Variants in FBF1 observed in about 807,000 individuals in gnomAD.
FBF1 encodes the protein fas-binding factor 1.
FBF1 carries 119 observed loss-of-function variants against 147.2 expected under a neutral mutation model. The observed-to-expected ratio is 0.81, with a 90% CI of 0.70 to 0.94. The LOEUF is 0.94. Ranked by LOEUF, FBF1 falls within the 40% of genes least tolerant of loss-of-function variation. The probability of loss-of-function intolerance (pLI) is 0.00; values close to 1 mark genes in which losing one functional copy is unlikely to be tolerated. For synonymous variants in FBF1, 601 were observed against 609.0 expected, an observed-to-expected ratio of 0.99 and a Z score of 0.19; for missense variants, 1,449 against 1,500.8, an observed-to-expected ratio of 0.97 and a Z score of 0.57.
At chr17:75,920,888 G>A (rs1376870613) in intron 17 of FBF1, among the ~76,000 whole-genome samples, 1 of 151,482 alleles carries the variant, frequency 6.6e-6, no homozygotes, top group Non-Finnish European at 1.5e-5. Flanking sequence ...GCCACACATG[G>A]GAAACAGAGG....
At position 75,910,335 on chromosome 17, in the gene FBF1, C is replaced by A; in HGVS notation, c.*388G>T. The A allele has an allele frequency of 3.1e-6, 1 of 320,200 alleles. No individual in the cohort carries two copies. The highest frequency in any genetic ancestry group is 6.0e-6 in the Non-Finnish European group (1 of 165,638). 19.8% of individuals were successfully genotyped at this position (320,200 alleles called of 1,614,324 possible). A position where few individuals can be genotyped will look rare whatever the true frequency, so the allele number is the denominator to read the frequency against. ...GTGGCATCCCTCAAGAAAGCTCCTGCCTCAGAAGAGGCCCAGGCAAAAAGA... is the reference window on the plus strand; with the variant it reads ...GTGGCATCCCTCAAGAAAGCTCCTGACTCAGAAGAGGCCCAGGCAAAAAGA... On this transcript the variant is annotated 3_prime_UTR_variant, in exon 30 of 30. Transcript: ENST00000636174. The surrounding 1 kb of genome is among the most constrained non-coding windows in gnomAD (Gnocchi z 4.1).
In FBF1 at chr17:75,937,579, C is replaced by T; in HGVS notation, c.18G>A (p.Lys6=). The T allele has an allele frequency of 1.9e-6, 3 of 1,613,974 alleles. No homozygotes were observed. Among genetic ancestry groups the T allele is most frequent in the South Asian group, 1.1e-5 (1 of 91,078 alleles). The change falls in exon 3 of 30, where the codon AAG becomes AAA. Residue 6 remains lysine (K), a synonymous_variant. Coordinates refer to ENST00000636174, the MANE Select transcript of FBF1 (RefSeq NM_001319193.2). The part of the protein sequence containing the change: MAPKT[K]KGCKGSIDDF... The stretch of plus-strand genomic sequence containing the variant: ...CTCTCCACTCACCTTTACATCCTTT[C>T]TTGGTTTTTGGTGCCTAAAATGGGA...
intron 2 of FBF1, chr17:75,937,897 C>T (rs997765947): frequency 2.7e-5 from 17 of 628,724 alleles, no homozygotes; most frequent in African/African-American, 9.2e-5. Flanking sequence ...TCTTCTATTC[C>T]GTGCCCCTGA....
In FBF1 at chr17:75,919,599, C is replaced by T. The variant is rs978459421; in HGVS notation, c.2138+69G>A. On this transcript the variant is annotated intron_variant, in intron 20 of 29. Transcript: ENST00000636174. This position sits in a 1 kb window ranked among gnomAD's most constrained non-coding sequence, Gnocchi z 5.0. ...GCTGCTGAGCCACAGCGAAGGGTCT[C>T]GTGGGGATGGCTCTCTTCCGGCTAC... 52 of 1,512,544 alleles carry T rather than the reference C, an allele frequency of 3.4e-5. No homozygotes were observed. In the African/African-American group the frequency reaches 4.4e-4, roughly 13 times the overall value. The allele number at this position is 1,512,544 out of a possible 1,614,324, so 93.7% of individuals were successfully genotyped here. A position where few individuals can be genotyped will look rare whatever the true frequency, so the allele number is the denominator to read the frequency against.
rs2065537484 is a variant in FBF1, at chr17:75,923,010, C to G, written c.1424+176G>C. Among the ~76,000 whole-genome samples, 1 of 152,272 alleles carries G rather than the reference C, an allele frequency of 6.6e-6. No individual in the cohort carries two copies. Among genetic ancestry groups the G allele is most frequent in the Non-Finnish European group, 1.5e-5 (1 of 68,052 alleles). ...GGGGCAAGCCTGGGAGCCAGAGGCT[C>G]TCTCTGCAGTGCCTAAAAGGCAGAG... On this transcript the variant is annotated intron_variant, in intron 14 of 29. Coordinates refer to ENST00000636174, the MANE Select transcript of FBF1 (RefSeq NM_001319193.2). This position sits in a 1 kb window ranked among gnomAD's most constrained non-coding sequence, Gnocchi z 4.1.
chr17:75,917,129 G>C (rs946252158), intron 23 of FBF1, among the ~76,000 whole-genome samples: 7 of 152,222 alleles, frequency 4.6e-5, no homozygotes, highest in Non-Finnish European at 2.9e-5. Context: ...TTACAGGCAT[G>C]AGCCAACTTG....
Position 75,921,545 on chromosome 17 carries a change from C to A in FBF1, c.1542G>T (p.Gln514His). Reference sequence around the variant, plus strand: ...TAGGGAGTGCTGAGGCGGCATGGTTCTGAGTCACAGGGGACCTGAGGACAC... The same window carrying A: ...TAGGGAGTGCTGAGGCGGCATGGTTATGAGTCACAGGGGACCTGAGGACAC... ...RPGVSGSPVT[Q>H]NHAASALPTG... Residue 514 changes from glutamine (Q) to histidine (H), a missense_variant, in exon 16 of 30, where the codon CAG (glutamine) becomes CAT (histidine). Coordinates refer to ENST00000636174, the MANE Select transcript of FBF1 (RefSeq NM_001319193.2). 1 of 1,610,300 alleles carries A rather than the reference C, an allele frequency of 6.2e-7. No homozygotes were observed. The highest frequency in any genetic ancestry group is 1.1e-5 in the South Asian group (1 of 90,744).
chr17:75,935,530 T>A, intron 4 of FBF1, 102 bp downstream of exon 4: 1 of 1,222,970 alleles, frequency 8.2e-7, no homozygotes, highest in South Asian at 1.5e-5. Context: ...GGCGGGAGGA[T>A]CATTTCAGTC....
In FBF1 at chr17:75,916,954, G is replaced by A. The variant is rs1313954528; in HGVS notation, c.2505+778C>T. On this transcript the variant is annotated intron_variant, in intron 23 of 29. Transcript: ENST00000636174. ...CAGCCTCTGTGTCCTAGATTCAAGCGATTCTCCCACCTCAGCCTCTCTAGT... is the reference window on the plus strand; with the variant it reads ...CAGCCTCTGTGTCCTAGATTCAAGCAATTCTCCCACCTCAGCCTCTCTAGT... Among the ~76,000 whole-genome samples, 7 of 152,302 alleles carry A rather than the reference G, an allele frequency of 4.6e-5. No homozygotes were observed. In the South Asian group the frequency reaches 1.2e-3, roughly 27 times the overall value.
intron 29 of FBF1, 112 bp downstream of exon 29, chr17:75,912,080 C>T: frequency 1.9e-6 from 2 of 1,044,198 alleles, no homozygotes; most frequent in Non-Finnish European, 2.9e-6. Flanking sequence ...AGTTTTACTC[C>T]CCAGGAGCTG....
intron 6 of FBF1, among the ~76,000 whole-genome samples, chr17:75,930,928 AAAC>A (rs1032084080): frequency 1.3e-5 from 2 of 151,978 alleles, no homozygotes; most frequent in Non-Finnish European, 1.5e-5. Context: ...CTCAAAACAA[AAAC>A]AACAACAACA....
chr17:75,938,096 G>T (rs751982301), intron 2 of FBF1, 51 bp downstream of exon 2: 16 of 1,609,802 alleles, frequency 9.9e-6, no homozygotes, highest in Admixed American at 1.7e-5. Context: ...TGGGGATGCA[G>T]GATGGGAGGC....
chr17:75,937,780 A>C, intron 2 of FBF1, 187 bp from the exon 3 acceptor site: 1 of 703,740 alleles, frequency 1.4e-6, no homozygotes, highest in Non-Finnish European at 2.5e-6. Flanking sequence ...CAGAGCGTGG[A>C]AACAGCCCTG....
Position 75,922,144 on chromosome 17 carries a change from G to T in FBF1, c.1425-98C>A. 1.0e-6 allele frequency: 1 copy of T among 1,002,998 alleles called. No homozygotes were observed. Among genetic ancestry groups the T allele is most frequent in the Non-Finnish European group, 1.5e-6 (1 of 673,116 alleles). 62.1% of individuals were successfully genotyped at this position (1,002,998 alleles called of 1,614,324 possible). A position where few individuals can be genotyped will look rare whatever the true frequency, so the allele number is the denominator to read the frequency against. ...ACGGGCTTCACACGTGAAGCTCGTG[G>T]CCCCCCTTCCTCCTGCTTCCACCAT... is the stretch of plus-strand genomic sequence containing the variant. On this transcript the variant is annotated intron_variant, in intron 14 of 29. Coordinates refer to ENST00000636174, the MANE Select transcript of FBF1 (RefSeq NM_001319193.2). This position sits in a 1 kb window ranked among gnomAD's most constrained non-coding sequence, Gnocchi z 5.0.
chr17:75,920,867 C>G (rs575500178), intron 17 of FBF1, among the ~76,000 whole-genome samples: 2 of 148,912 alleles, frequency 1.3e-5, no homozygotes, highest in East Asian at 4.0e-4. Context: ...GCCCAGGTGT[C>G]ACAGGTGACT....
rs756877254 is a variant in FBF1 at position 75,914,796 on chromosome 17, GC to G, written c.2764del (p.Ala922HisfsTer22). The G allele has an allele frequency of 6.4e-7, 1 of 1,562,392 alleles. No homozygotes were observed. The highest frequency in any genetic ancestry group is 1.4e-5 in the African/African-American group (1 of 73,308). ...CTCCCGCTGGGTGTCCACCTGCAAT[GC>G]CCGCTCGGCCTCGCGCTCGGCCCGC... Reference protein sequence around the residue: ...KERAEREAERALQVDTQREGT... With the variant: ...KERAEREAERXLQVDTQREGT... On this transcript the variant is annotated frameshift_variant, in exon 25 of 30. Transcript: ENST00000636174. LOFTEE classifies it high-confidence loss of function.
In FBF1 at chr17:75,909,726, G is replaced by A. The variant is rs1039145792; in HGVS notation, c.*997C>T. On this transcript the variant is annotated 3_prime_UTR_variant, in exon 30 of 30. Coordinates refer to ENST00000636174, the MANE Select transcript of FBF1 (RefSeq NM_001319193.2). ...AGGGGAGAGGCACGTGGCCAGAGGCGCCTGGTCCTGACCAATCTTATAGGC... is the reference window on the plus strand; with the variant it reads ...AGGGGAGAGGCACGTGGCCAGAGGCACCTGGTCCTGACCAATCTTATAGGC... The A allele has an allele frequency of 6.8e-5, 40 of 591,628 alleles. 1 individual carries two copies. The highest frequency in any genetic ancestry group is 3.9e-4 in the East Asian group (14 of 36,064). 36.6% of individuals were successfully genotyped at this position (591,628 alleles called of 1,614,324 possible). A position where few individuals can be genotyped will look rare whatever the true frequency, so the allele number is the denominator to read the frequency against.
chr17:75,917,841 T>G lies in FBF1; in HGVS notation c.2396A>C (p.Glu799Ala). 6.2e-7 allele frequency: 1 copy of G among 1,605,346 alleles called. No individual in the cohort carries two copies. Among genetic ancestry groups the G allele is most frequent in the South Asian group, 1.1e-5 (1 of 89,570 alleles). ...GTCCCGCTGCTGCTGGCCCAGCCGC[T>G]CCTGCAGTGCTGGGGGCAACCCACA... The part of the protein sequence containing the change: ...QRDEQLRALQ[E>A]RLGQQQRDME... Residue 799 changes from glutamate to alanine, a missense_variant, in exon 23 of 30, where the codon GAG becomes GCG. Glu to Ala is a moderately radical substitution (Grantham distance 107). Coordinates refer to ENST00000636174, the MANE Select transcript of FBF1 (RefSeq NM_001319193.2).
At position 75,926,320 on chromosome 17, in the gene FBF1, G is replaced by A; in HGVS notation, c.702C>T (p.Ser234=). The A allele has an allele frequency of 1.2e-6, 2 of 1,613,328 alleles. No homozygotes were observed. The highest frequency in any genetic ancestry group is 2.7e-5 in the African/African-American group (2 of 75,058). ...DIMATLGFGD[S]PKAEKRQIGD... The stretch of plus-strand genomic sequence containing the variant: ...CTATCTGCCTCTTCTCTGCTTTGGG[G>A]CTGTCTCCAAACCCCAAGGTGGCCA... Residue 234 remains serine, a synonymous_variant, in exon 11 of 30, where the codon AGC becomes AGT. Transcript: ENST00000636174.
Sources: allele counts gnomAD v4.1 joint callset (sites outside exome capture counted in the v4.1 genomes callset), GRCh38; gene constraint gnomAD v4.1.1; non-coding constraint Gnocchi (gnomAD v3.1); transcripts MANE v1.5; gene names NCBI Gene and HGNC (gene_info 2026-07-23, HGNC 2026-07-21).